The following LRP1B variants were observed in gnomAD, a reference collection of about 807,000 sequenced individuals.
The protein encoded by LRP1B is low-density lipoprotein receptor-related protein 1B.
LRP1B carries 217 observed loss-of-function variants against 556.6 expected under a neutral mutation model. The ratio of observed to expected loss-of-function variants is 0.39; its 90% confidence interval spans 0.35 to 0.44. The LOEUF (loss-of-function observed/expected upper bound fraction) is 0.44. LRP1B is among the 20% of genes least tolerant of loss of function. The pLI, the probability that LRP1B is intolerant of heterozygous loss-of-function variation, is 1.00. For missense variants in LRP1B, 5,053 were observed against 5,620.8 expected, an observed-to-expected ratio of 0.90 and a Z score of 3.23; for synonymous variants, 2,047 against 1,865.8, an observed-to-expected ratio of 1.10 and a Z score of -2.50.
intron 3 of LRP1B, among the ~76,000 whole-genome samples, chr2:141,431,825 A>G (rs1330249519): frequency 2.0e-5 from 3 of 152,146 alleles, no homozygotes. Context: ...TGGGTCCTAC[A>G]AGCTGTCTGA....
intron 2 of LRP1B, among the ~76,000 whole-genome samples, chr2:141,494,678 G>GCTT (rs1683453701): frequency 6.6e-6 from 1 of 150,688 alleles, no homozygotes; most frequent in South Asian, 2.1e-4. Context: ...TCAGCAAAAG[G>GCTT]CTTCTCTTTC....
chr2:141,878,875 A>C (rs535669303), intron 1 of LRP1B, among the ~76,000 whole-genome samples: 13 of 151,854 alleles, frequency 8.6e-5, no homozygotes, highest in Middle Eastern at 6.8e-3. Context: ...TCTTCCTCCA[A>C]CTCCAGCCAC....
intron 3 of LRP1B, among the ~76,000 whole-genome samples, chr2:141,283,084 C>T (rs988074327): frequency 5.3e-5 from 8 of 152,050 alleles, no homozygotes; most frequent in Non-Finnish European, 1.0e-4. Flanking sequence ...TTCAATTATT[C>T]AAGTTTATAC....
chr2:141,127,273 G>A (rs776348586), intron 7 of LRP1B, among the ~76,000 whole-genome samples: 26 of 152,124 alleles, frequency 1.7e-4, no homozygotes, highest in Non-Finnish European at 2.6e-4. Context: ...AGATAGGAAC[G>A]CTTTTACATT....
chr2:140,739,021 A>G (rs957158136), intron 35 of LRP1B, among the ~76,000 whole-genome samples: 4 of 152,190 alleles, frequency 2.6e-5, no homozygotes, highest in Non-Finnish European at 5.9e-5. Flanking sequence ...GTCTGTGTCC[A>G]GTGGAGCATG....
chr2:140,585,037 G>A (rs184560841), intron 43 of LRP1B, among the ~76,000 whole-genome samples: 33 of 152,074 alleles, frequency 2.2e-4, no homozygotes, highest in Non-Finnish European at 2.1e-4. Context: ...GAGATACAAA[G>A]ATGAAAAACA....
chr2:140,591,696 C>T (rs1281230386), intron 43 of LRP1B, among the ~76,000 whole-genome samples: 4 of 152,184 alleles, frequency 2.6e-5, no homozygotes, highest in African/African-American at 2.4e-5. Flanking sequence ...TTGTCTGAGA[C>T]TCTGCCCAGA....
intron 11 of LRP1B, among the ~76,000 whole-genome samples, chr2:141,044,512 A>G (rs1698807467): frequency 2.0e-5 from 3 of 149,806 alleles, no homozygotes; most frequent in Admixed American, 2.0e-4. Context: ...AATTTTCACA[A>G]CCTACTCATC....
At chr2:141,451,515 G>A (rs991639914) in intron 3 of LRP1B, among the ~76,000 whole-genome samples, 2 of 152,052 alleles carry the variant, frequency 1.3e-5, no homozygotes, top group Non-Finnish European at 2.9e-5. Context: ...AGTACTGTAG[G>A]CACCTGTGGA....
chr2:140,329,782 T>G (rs1680698866), intron 79 of LRP1B, among the ~76,000 whole-genome samples: 1 of 151,808 alleles, frequency 6.6e-6, no homozygotes, highest in South Asian at 2.1e-4. Flanking sequence ...TGCTCATGGG[T>G]AGAAAGAATC....
chr2:141,412,397 T>C (rs1661517617), intron 3 of LRP1B, among the ~76,000 whole-genome samples: 1 of 152,218 alleles, frequency 6.6e-6, no homozygotes, highest in African/African-American at 2.4e-5. Context: ...CGATAATTTA[T>C]TTTATATAAG....
chr2:140,509,775 A>G (rs1689574026), intron 52 of LRP1B, among the ~76,000 whole-genome samples, 153 bp downstream of exon 52: 1 of 152,236 alleles, frequency 6.6e-6, no homozygotes, highest in Non-Finnish European at 1.5e-5. Context: ...CTACTGTGAT[A>G]CCGTCATCCC....
At chr2:142,063,971 A>C (rs1424707453) in intron 1 of LRP1B, among the ~76,000 whole-genome samples, 3 of 151,640 alleles carry the variant, frequency 2.0e-5, no homozygotes, top group African/African-American at 7.2e-5. Context: ...ACATACAATG[A>C]TGCTTTTTGA....
intron 25 of LRP1B, among the ~76,000 whole-genome samples, chr2:140,881,863 G>A (rs1693485876): frequency 1.3e-5 from 2 of 152,058 alleles, no homozygotes; most frequent in Admixed American, 1.3e-4. Flanking sequence ...TAGATTGTAT[G>A]TCCTTTGTGT....
intron 1 of LRP1B, among the ~76,000 whole-genome samples, chr2:141,882,985 G>A (rs1699003171): frequency 1.3e-5 from 2 of 152,176 alleles, no homozygotes; most frequent in Non-Finnish European, 1.5e-5. Flanking sequence ...AGGCATTGCG[G>A]CTAAAGTACG....
intron 2 of LRP1B, among the ~76,000 whole-genome samples, chr2:141,766,298 C>CA (rs1694730874): frequency 1.3e-5 from 2 of 152,052 alleles, no homozygotes. Flanking sequence ...GGATAGGATA[C>CA]AAAAACGTGT....
chr2:140,557,447 G>A (rs1223271200), intron 43 of LRP1B, among the ~76,000 whole-genome samples: 3 of 152,202 alleles, frequency 2.0e-5, no homozygotes, highest in African/African-American at 7.2e-5. Flanking sequence ...TAAAAAATGT[G>A]TAAAAGTGGC....
At chr2:140,667,555 G>A (rs1685322694) in intron 41 of LRP1B, among the ~76,000 whole-genome samples, 1 of 152,180 alleles carries the variant, frequency 6.6e-6, no homozygotes, top group Non-Finnish European at 1.5e-5. Flanking sequence ...ACAGACCACA[G>A]TATCTTTGGT....
chr2:142,027,472 CT>C (rs1703547466), intron 1 of LRP1B, among the ~76,000 whole-genome samples: 1 of 151,402 alleles, frequency 6.6e-6, no homozygotes, highest in Admixed American at 6.6e-5. Flanking sequence ...ATATTTTTAC[CT>C]TTCTCTATCA....
Sources: gnomAD v4.1 joint callset for allele counts (sites outside exome capture counted in the v4.1 genomes callset) on GRCh38, gnomAD v4.1.1 for gene constraint, MANE v1.5 for transcripts, NCBI Gene and HGNC (gene_info 2026-07-23, HGNC 2026-07-21) for gene names.